FRY: variants seen among roughly 807,000 people sequenced by gnomAD.
FRY encodes the protein protein furry homolog.
Under a neutral mutation model 348.4 loss-of-function variants are expected in FRY, and 128 were observed. That is an observed-to-expected ratio of 0.37 (90% CI 0.32 to 0.43). The LOEUF is 0.43. Ranked by LOEUF, FRY falls within the 20% of genes least tolerant of loss-of-function variation. The pLI, the probability that FRY is intolerant of heterozygous loss-of-function variation, is 1.00. For missense variants in FRY, 2,736 were observed against 3,695.2 expected (o/e 0.74, Z 6.73); for synonymous variants, 1,370 against 1,374.7 (o/e 1.00, Z 0.08).
intron 40 of FRY, among the ~76,000 whole-genome samples, chr13:32,229,700 G>A (rs1482645315): frequency 6.6e-6 from 1 of 152,144 alleles, no homozygotes; most frequent in Non-Finnish European, 1.5e-5. Flanking sequence ...CATTCTTACT[G>A]TTGAAAACCA....
At chr13:32,287,098 G>A (rs1192843063) in intron 58 of FRY, among the ~76,000 whole-genome samples, 2 of 151,728 alleles carry the variant, frequency 1.3e-5, no homozygotes, top group African/African-American at 4.8e-5. Flanking sequence ...CCAGGAGGCG[G>A]AGGTTGCAAT....
intron 2 of FRY, among the ~76,000 whole-genome samples, chr13:32,100,614 T>TA (rs1361618684): frequency 2.0e-5 from 3 of 152,170 alleles, no homozygotes; most frequent in African/African-American, 7.2e-5. Flanking sequence ...ATTTTTTTTG[T>TA]GATGAGAACA....
chr13:32,216,022 G>C (rs1292000817), intron 35 of FRY, among the ~76,000 whole-genome samples: 1 of 152,142 alleles, frequency 6.6e-6, no homozygotes, highest in Non-Finnish European at 1.5e-5. Context: ...TATCTAAATT[G>C]ATAGTGTTGA....
intron 1 of FRY, among the ~76,000 whole-genome samples, chr13:32,073,812 T>C (rs974944217): frequency 6.6e-6 from 1 of 152,228 alleles, no homozygotes; most frequent in Admixed American, 6.5e-5. Context: ...TCCTGTAACA[T>C]CTACGCCACC....
At chr13:32,273,469 G>T (rs987974062) in intron 55 of FRY, among the ~76,000 whole-genome samples, 2 of 151,336 alleles carry the variant, frequency 1.3e-5, no homozygotes, top group African/African-American at 4.9e-5. Flanking sequence ...TGATCCACCC[G>T]CCTCGGCCTC....
intron 27 of FRY, among the ~76,000 whole-genome samples, chr13:32,186,633 A>G (rs1254900273): frequency 2.0e-5 from 3 of 152,098 alleles, no homozygotes; most frequent in Non-Finnish European, 4.4e-5. Context: ...TGGGAACCAT[A>G]TATTTTTGCT....
At chr13:32,088,834 A>T (rs530368514) in intron 2 of FRY, among the ~76,000 whole-genome samples, 54 of 152,334 alleles carry the variant, frequency 3.5e-4, no homozygotes, top group Admixed American at 9.8e-4. Flanking sequence ...TGAAGAGATT[A>T]TCGAAGTTTC....
chr13:32,047,624 G>T (rs547608642), intron 1 of FRY, among the ~76,000 whole-genome samples: 1 of 150,196 alleles, frequency 6.7e-6, no homozygotes, highest in Admixed American at 6.7e-5. Context: ...AGGCTGGAGT[G>T]CAACAGCATG....
rs970345810 is a variant in FRY at position 32,092,251 on chromosome 13, T to C, written c.271-9712T>C. Among the ~76,000 whole-genome samples, 3 of 152,346 alleles carry C rather than the reference T, an allele frequency of 2.0e-5. No individual in the cohort carries two copies. The East Asian group carries it at 5.8e-4, about 29-fold the overall frequency. ...AAATTTTGGAAGGCCACTAAAAAGT[T>C]AGAAGTAGAAAGTTATTTGTATTAA... On this transcript the variant is annotated intron_variant, in intron 2 of 60. Transcript: ENST00000542859.
intron 31 of FRY, 28 bp downstream of exon 31, chr13:32,202,555 A>C (rs577208499): frequency 1.3e-6 from 2 of 1,530,788 alleles, no homozygotes; most frequent in Non-Finnish European, 1.8e-6. Flanking sequence ...ATAATGACAT[A>C]TGTGATCATT....
chr13:32,240,232 T>G (rs997505233), intron 46 of FRY, among the ~76,000 whole-genome samples: 1 of 152,224 alleles, frequency 6.6e-6, no homozygotes, highest in Non-Finnish European at 1.5e-5. Flanking sequence ...TCAGCCAGGT[T>G]AAATAATTTT....
rs1877543190 is a variant in FRY at position 32,106,265 on chromosome 13, A to C, written c.324+4249A>C. Among the ~76,000 whole-genome samples the C allele has an allele frequency of 2.0e-5, 3 of 151,228 alleles. No homozygotes were observed. The South Asian group carries it at 6.2e-4, about 31-fold the overall frequency. The stretch of plus-strand genomic sequence containing the variant: ...AGAGATGATAATAATGGTGAGTCTC[A>C]GAAGTTTCCCAATATTATATGACTA... On this transcript the variant is annotated intron_variant, in intron 3 of 60. Coordinates refer to ENST00000542859, the MANE Select transcript of FRY (RefSeq NM_023037.3).
At chr13:32,129,555 T>C (rs1334698663) in intron 7 of FRY, among the ~76,000 whole-genome samples, 1 of 152,130 alleles carries the variant, frequency 6.6e-6, no homozygotes, top group African/African-American at 2.4e-5. Flanking sequence ...AGGGGCCAGT[T>C]TGGGGTGCTG....
chr13:32,244,388 C>T (rs747736318), intron 47 of FRY, among the ~76,000 whole-genome samples: 1 of 152,204 alleles, frequency 6.6e-6, no homozygotes, highest in Non-Finnish European at 1.5e-5. Context: ...CCCCGGCACA[C>T]TCCGGTGCCT....
chr13:32,067,231 C>A (rs1874313959), intron 1 of FRY, among the ~76,000 whole-genome samples: 1 of 152,218 alleles, frequency 6.6e-6, no homozygotes. Flanking sequence ...AGAATCCTAC[C>A]TATCCTTTAA....
At chr13:32,174,046 A>G (rs186319925) in intron 19 of FRY, among the ~76,000 whole-genome samples, 35 of 152,340 alleles carry the variant, frequency 2.3e-4, no homozygotes, top group East Asian at 2.1e-3. Flanking sequence ...AGCATGATCA[A>G]TGCCTGCTAA....
At chr13:32,113,196 G>A (rs1878079518) in intron 3 of FRY, among the ~76,000 whole-genome samples, 1 of 152,074 alleles carries the variant, frequency 6.6e-6, no homozygotes, top group African/African-American at 2.4e-5. Context: ...AGTGAGTATC[G>A]TGGCCCTCAG....
intron 58 of FRY, 37 bp from the exon 59 acceptor site, chr13:32,289,596 C>A: frequency 8.2e-7 from 1 of 1,223,076 alleles, no homozygotes; most frequent in South Asian, 1.2e-5. Flanking sequence ...TGATCTTTAA[C>A]AATAACTGTT....
intron 18 of FRY, among the ~76,000 whole-genome samples, 196 bp downstream of exon 18, chr13:32,171,466 A>C (rs2018141): frequency 0.13 from 18,954 of 151,550 alleles, 1,502 homozygotes; most frequent in African/African-American, 0.22. Context: ...GCACAACATC[A>C]CACCTGGCTA....
Sources: gnomAD v4.1 joint callset for allele counts (sites outside exome capture counted in the v4.1 genomes callset) on GRCh38, gnomAD v4.1.1 for gene constraint, MANE v1.5 for transcripts, NCBI Gene and HGNC (gene_info 2026-07-23, HGNC 2026-07-21) for gene names.